The following FAM13A variants were observed in gnomAD, a reference collection of about 807,000 sequenced individuals.
The protein encoded by FAM13A is family with sequence similarity 13 member A, also known as protein FAM13A.
Under a neutral mutation model 129.6 loss-of-function variants are expected in FAM13A, and 76 were observed. That is an observed-to-expected ratio of 0.59 (90% CI 0.49 to 0.71). The LOEUF is 0.71. Among genes scored for constraint, FAM13A ranks in the 30% least tolerant of loss-of-function variants. The pLI, the probability that FAM13A is intolerant of heterozygous loss-of-function variation, is 0.00. For missense variants in FAM13A, 1,108 were observed against 1,249.3 expected (o/e 0.89, Z 1.70); for synonymous variants, 443 against 449.9 (o/e 0.98, Z 0.20).
At chr4:88,949,327 T>C (rs1479636135) in intron 4 of FAM13A, among the ~76,000 whole-genome samples, 1 of 152,224 alleles carries the variant, frequency 6.6e-6, no homozygotes. Flanking sequence ...CATTATCACC[T>C]GATCAAATTG....
chr4:88,799,063 G>A (rs1726855811), intron 8 of FAM13A, among the ~76,000 whole-genome samples: 1 of 152,028 alleles, frequency 6.6e-6, no homozygotes. Context: ...ATTAAACCCA[G>A]AATCTATACT....
chr4:88,901,406 C>G (rs1747281311), intron 6 of FAM13A, among the ~76,000 whole-genome samples: 1 of 152,108 alleles, frequency 6.6e-6, no homozygotes, highest in Non-Finnish European at 1.5e-5. Context: ...AAACACTCCT[C>G]AACAAATGCA....
intron 6 of FAM13A, among the ~76,000 whole-genome samples, chr4:88,895,214 T>C (rs1378475377): frequency 6.6e-6 from 1 of 152,114 alleles, no homozygotes; most frequent in South Asian, 2.1e-4. Flanking sequence ...AATAAGCATA[T>C]AAACTAGGTT....
intron 11 of FAM13A, 60 bp from the exon 12 acceptor site, chr4:88,768,119 C>A: frequency 2.3e-6 from 2 of 878,210 alleles, no homozygotes; most frequent in South Asian, 1.5e-5. Context: ...CAACGCAGAC[C>A]CTCCTTTCTT....
intron 5 of FAM13A, 70 bp from the exon 6 acceptor site, chr4:88,906,532 G>C (rs1579214619): frequency 5.0e-6 from 5 of 1,003,362 alleles, no homozygotes; most frequent in East Asian, 2.6e-5. Context: ...TTACAAGGTA[G>C]TGAAAAACAG....
At chr4:88,732,302 T>C in intron 21 of FAM13A, 104 bp from the exon 22 acceptor site, 3 of 785,996 alleles carry the variant, frequency 3.8e-6, no homozygotes, top group Non-Finnish European at 6.1e-6. Flanking sequence ...CTCCATATAG[T>C]TTCTTCTGTA....
At chr4:88,836,348 T>C (rs1215982923) in intron 7 of FAM13A, among the ~76,000 whole-genome samples, 2 of 152,232 alleles carry the variant, frequency 1.3e-5, no homozygotes, top group Non-Finnish European at 2.9e-5. Flanking sequence ...CTTAAAAGTA[T>C]TTTTAGTGGT....
chr4:88,731,223 G>T, intron 23 of FAM13A, 104 bp downstream of exon 23: 1 of 644,628 alleles, frequency 1.6e-6, no homozygotes, highest in Non-Finnish European at 2.7e-6. Context: ...ATGCAGAAGA[G>T]TCCCCCCTTT....
At chr4:88,830,988 T>C (rs1379437288) in intron 7 of FAM13A, among the ~76,000 whole-genome samples, 2 of 152,068 alleles carry the variant, frequency 1.3e-5, no homozygotes, top group Admixed American at 6.6e-5. Flanking sequence ...TGGATGCTTT[T>C]TTTTTTTTAA....
chr4:88,996,444 T>G (rs559476432), intron 3 of FAM13A, among the ~76,000 whole-genome samples: 1 of 152,356 alleles, frequency 6.6e-6, no homozygotes, highest in South Asian at 2.1e-4. Context: ...GGATTCAGAA[T>G]GCAGTTTAAA....
At chr4:88,883,716 A>G (rs1743967324) in intron 6 of FAM13A, among the ~76,000 whole-genome samples, 1 of 152,126 alleles carries the variant, frequency 6.6e-6, no homozygotes, top group Non-Finnish European at 1.5e-5. Context: ...GATAAATGAA[A>G]CAAAAACCTG....
chr4:88,741,345 T>C (rs973897135), intron 19 of FAM13A, among the ~76,000 whole-genome samples: 1 of 152,214 alleles, frequency 6.6e-6, no homozygotes, highest in African/African-American at 2.4e-5. Context: ...ATATGCATCA[T>C]GGATTAACCT....
At chr4:88,742,599 G>A (rs187192423) in intron 19 of FAM13A, among the ~76,000 whole-genome samples, 77 of 152,288 alleles carry the variant, frequency 5.1e-4, no homozygotes, top group Admixed American at 4.7e-3. Context: ...GATACTACAA[G>A]TTAATGCAAC....
chr4:88,921,674 A>G (rs964473614), intron 5 of FAM13A, among the ~76,000 whole-genome samples: 1 of 152,246 alleles, frequency 6.6e-6, no homozygotes, highest in African/African-American at 2.4e-5. Flanking sequence ...TAACATCACA[A>G]TGACAGGATC....
At chr4:88,943,158 G>A (rs1198846642) in intron 4 of FAM13A, among the ~76,000 whole-genome samples, 10 of 152,110 alleles carry the variant, frequency 6.6e-5, no homozygotes, top group South Asian at 4.1e-4. Flanking sequence ...ATTGATAAGC[G>A]TTTTGAACTT....
intron 4 of FAM13A, chr4:88,990,228 G>T (rs773305263): frequency 6.6e-6 from 1 of 152,048 alleles, no homozygotes; most frequent in Admixed American, 6.5e-5. Context: ...ACTAGTTCTG[G>T]GCAGCTGAAT....
chr4:89,056,952 C>CA lies in FAM13A; in HGVS notation c.12_13insT (p.Ala5CysfsTer8), dbSNP rs769230578. 3.8e-5 allele frequency: 61 copies of CA among 1,613,760 alleles called. No homozygotes were observed. In the African/African-American group the frequency reaches 6.3e-4, roughly 17 times the overall value. On this transcript the variant is annotated frameshift_variant, in exon 1 of 24. Transcript: ENST00000264344. LOFTEE classifies it high-confidence loss of function. ...CCTATACTTACACAGATGGCTAGAG[C>CA]TCCTGCCCCCATTCTCTCAGAAAGC... is the stretch of plus-strand genomic sequence containing the variant.
At chr4:88,868,052 C>T (rs1289920411) in intron 6 of FAM13A, among the ~76,000 whole-genome samples, 2 of 152,044 alleles carry the variant, frequency 1.3e-5, no homozygotes, top group East Asian at 3.8e-4. Flanking sequence ...AATATCAATA[C>T]TAAACTTGCC....
At chr4:88,969,155 T>G (rs897530114) in intron 4 of FAM13A, among the ~76,000 whole-genome samples, 1 of 152,120 alleles carries the variant, frequency 6.6e-6, no homozygotes, top group African/African-American at 2.4e-5. Context: ...ACTAAAGAAC[T>G]TACTCATGTA....
Sources: gnomAD v4.1 joint callset for allele counts (sites outside exome capture counted in the v4.1 genomes callset) on GRCh38, gnomAD v4.1.1 for gene constraint, MANE v1.5 for transcripts, NCBI Gene and HGNC (gene_info 2026-07-23, HGNC 2026-07-21) for gene names.